SYT1: variants seen among roughly 807,000 people sequenced by gnomAD.
SYT1 encodes the protein synaptotagmin-1.
Under a neutral mutation model 44.8 loss-of-function variants are expected in SYT1, and 8 were observed. The ratio of observed to expected loss-of-function variants is 0.18; its 90% CI spans 0.10 to 0.32. The LOEUF is 0.32. Ranked by LOEUF, SYT1 falls within the 10% of genes least tolerant of loss-of-function variation. The pLI, the probability that SYT1 is intolerant of heterozygous loss-of-function variation, is 1.00. For synonymous variants in SYT1, 154 were observed against 188.8 expected (o/e 0.82, Z 1.51); for missense variants, 286 against 509.3 (o/e 0.56, Z 4.22).
At chr12:79,243,098 C>G in intron 4 of SYT1, among the ~76,000 whole-genome samples, 1 of 131,266 alleles carries the variant, frequency 7.6e-6, no homozygotes, top group Non-Finnish European at 1.6e-5. Context: ...GACTTATACA[C>G]TATCATGAGA....
At chr12:79,135,503 T>C (rs1031014838) in intron 3 of SYT1, among the ~76,000 whole-genome samples, 2 of 152,194 alleles carry the variant, frequency 1.3e-5, no homozygotes, top group African/African-American at 4.8e-5. Context: ...TCATAAATTA[T>C]TTATTCATTA....
intron 2 of SYT1, among the ~76,000 whole-genome samples, chr12:78,978,697 T>A (rs1869026039): frequency 6.6e-6 from 1 of 152,192 alleles, no homozygotes; most frequent in South Asian, 2.1e-4. Flanking sequence ...TGGAGTCCCA[T>A]GCTACAGAAG....
chr12:78,869,110 T>G (rs566256691), intron 1 of SYT1, among the ~76,000 whole-genome samples: 1 of 152,070 alleles, frequency 6.6e-6, no homozygotes, highest in South Asian at 2.1e-4. Context: ...TTTCATTAAA[T>G]TCCTCAAGAA....
At chr12:78,941,844 C>G (rs1270111855) in intron 1 of SYT1, among the ~76,000 whole-genome samples, 3 of 152,144 alleles carry the variant, frequency 2.0e-5, no homozygotes, top group African/African-American at 7.2e-5. Context: ...TTCATTACAC[C>G]AGTTGGGGGT....
At chr12:79,066,707 G>T (rs1337325774) in intron 3 of SYT1, among the ~76,000 whole-genome samples, 2 of 152,026 alleles carry the variant, frequency 1.3e-5, no homozygotes, top group African/African-American at 4.8e-5. Context: ...CTAATACAAT[G>T]CCTGGCACAT....
intron 4 of SYT1, among the ~76,000 whole-genome samples, chr12:79,256,859 G>A (rs1417491123): frequency 6.6e-6 from 1 of 152,154 alleles, no homozygotes; most frequent in African/African-American, 2.4e-5. Flanking sequence ...TACACAATAT[G>A]AGAATATTAT....
At chr12:79,053,119 A>C (rs1211507082) in intron 3 of SYT1, among the ~76,000 whole-genome samples, 2 of 152,318 alleles carry the variant, frequency 1.3e-5, no homozygotes, top group Non-Finnish European at 1.5e-5. Flanking sequence ...AATGTCCAAC[A>C]ATGATAGACT....
At chr12:78,891,753 C>A (rs951844267) in intron 1 of SYT1, among the ~76,000 whole-genome samples, 6 of 151,832 alleles carry the variant, frequency 4.0e-5, no homozygotes, top group African/African-American at 1.4e-4. Flanking sequence ...AGGAAGGACA[C>A]AAATCATGGC....
intron 9 of SYT1, among the ~76,000 whole-genome samples, chr12:79,426,415 T>C (rs1345327452): frequency 6.6e-6 from 1 of 152,138 alleles, no homozygotes; most frequent in Non-Finnish European, 1.5e-5. Context: ...AAAAAACATA[T>C]TTCACAGCCT....
rs1874781255 is a variant in SYT1, at chr12:78,886,881, A to T, written c.-217+21772A>T. 8.5e-5 allele frequency among the ~76,000 whole-genome samples: 13 copies of T among 152,164 alleles called. 1 individual carries two copies. The South Asian group carries it at 2.7e-3, about 31-fold the overall frequency. Reference sequence around the variant, plus strand: ...GGGTTAAGTCATTCAACACATTTTCATGATCTATATTTAGGCATGAGATTA... The same window carrying T: ...GGGTTAAGTCATTCAACACATTTTCTTGATCTATATTTAGGCATGAGATTA... On this transcript the variant is annotated intron_variant, in intron 1 of 10. Coordinates refer to ENST00000261205, the MANE Select transcript of SYT1 (RefSeq NM_005639.3).
intron 1 of SYT1, among the ~76,000 whole-genome samples, chr12:78,909,326 G>A (rs12322869): frequency 0.094 from 14,177 of 151,498 alleles, 1,095 homozygotes; most frequent in African/African-American, 0.21. Flanking sequence ...GCTTTGCTTC[G>A]TCTGTTTCCT....
chr12:79,423,427 T>G (rs1869241780), intron 9 of SYT1, among the ~76,000 whole-genome samples: 1 of 152,120 alleles, frequency 6.6e-6, no homozygotes, highest in African/African-American at 2.4e-5. Context: ...TTAACTCTAA[T>G]TAAGCCTTAG....
At chr12:78,958,663 C>T (rs1032943146) in intron 1 of SYT1, among the ~76,000 whole-genome samples, 2 of 151,688 alleles carry the variant, frequency 1.3e-5, no homozygotes, top group Non-Finnish European at 2.9e-5. Flanking sequence ...CCACCACACT[C>T]CAGCCTGGGT....
rs1870261456 is a variant in SYT1, at chr12:78,994,781, C to T, written c.-84+16850C>T. ...TGAACTCCTGACCTCGTGATCCACCCGCCTCGGCCTCCCAAAGTGCTGGGA... is the reference window on the plus strand; with the variant it reads ...TGAACTCCTGACCTCGTGATCCACCTGCCTCGGCCTCCCAAAGTGCTGGGA... On this transcript the variant is annotated intron_variant, in intron 2 of 10. Coordinates refer to ENST00000261205, the MANE Select transcript of SYT1 (RefSeq NM_005639.3). 2.0e-5 allele frequency among the ~76,000 whole-genome samples: 3 copies of T among 152,024 alleles called. No individual in the cohort carries two copies. The South Asian group carries it at 6.2e-4, about 32-fold the overall frequency.
chr12:79,068,192 G>A (rs1030380723), intron 3 of SYT1, among the ~76,000 whole-genome samples: 1 of 152,114 alleles, frequency 6.6e-6, no homozygotes, highest in African/African-American at 2.4e-5. Context: ...TTTCAATCTG[G>A]TTTTGTGCCA....
At chr12:79,316,341 TA>T (rs1450850308) in intron 8 of SYT1, among the ~76,000 whole-genome samples, 1 of 152,232 alleles carries the variant, frequency 6.6e-6, no homozygotes, top group Non-Finnish European at 1.5e-5. Flanking sequence ...CACTCCTTTT[TA>T]TTGCTAAGTG....
At chr12:79,073,939 T>C (rs978122744) in intron 3 of SYT1, among the ~76,000 whole-genome samples, 4 of 152,158 alleles carry the variant, frequency 2.6e-5, no homozygotes, top group African/African-American at 7.2e-5. Context: ...TCAGGCCTTA[T>C]TTACCCTCAC....
chr12:79,057,961 C>T (rs1251270614), intron 3 of SYT1, among the ~76,000 whole-genome samples: 1 of 151,936 alleles, frequency 6.6e-6, no homozygotes, highest in Non-Finnish European at 1.5e-5. Context: ...TTACAGAATG[C>T]AACAAAATAA....
At chr12:79,084,473 C>T (rs1318637276) in intron 3 of SYT1, among the ~76,000 whole-genome samples, 1 of 152,082 alleles carries the variant, frequency 6.6e-6, no homozygotes, top group Non-Finnish European at 1.5e-5. Context: ...GAGACCGAGA[C>T]TCCAAGAGGC....
Sources: allele counts gnomAD v4.1 joint callset (sites outside exome capture counted in the v4.1 genomes callset), GRCh38; gene constraint gnomAD v4.1.1; transcripts MANE v1.5; gene names NCBI Gene and HGNC (gene_info 2026-07-23, HGNC 2026-07-21).